DCHS2: variants seen among roughly 807,000 people sequenced by gnomAD.
The protein encoded by DCHS2 is protocadherin-23.
A neutral mutation model predicts 182.4 loss-of-function variants in DCHS2; 142 were observed. The observed-to-expected ratio is 0.78, with a 90% confidence interval of 0.68 to 0.89. DCHS2 has a LOEUF of 0.89. Ranked by LOEUF, DCHS2 falls within the 40% of genes least tolerant of loss-of-function variation. DCHS2 has a pLI of 0.00. For missense variants in DCHS2, 4,319 were observed against 4,198.6 expected (o/e 1.03, Z -0.79); for synonymous variants, 1,740 against 1,663.3 (o/e 1.05, Z -1.12).
intron 1 of DCHS2, among the ~76,000 whole-genome samples, chr4:154,378,093 C>A (rs569603933): frequency 2.4e-4 from 37 of 152,258 alleles, no homozygotes; most frequent in Non-Finnish European, 4.9e-4. Flanking sequence ...TGAAATCCAG[C>A]CCATGCTGTG....
At chr4:154,486,566 G>T in intron 1 of DCHS2, 2 of 1,297,892 alleles carry the variant, frequency 1.5e-6, no homozygotes, top group Non-Finnish European at 1.0e-6. Flanking sequence ...AGAAGGTACA[G>T]TTACAAGGAA....
At chr4:154,343,490 A>G in intron 3 of DCHS2, 1 of 1,461,424 alleles carries the variant, frequency 6.8e-7, no homozygotes, top group Non-Finnish European at 9.1e-7. Flanking sequence ...TCTTAGCTAG[A>G]TTTGCTACAT....
intron 13 of DCHS2, chr4:154,272,072 A>G (rs1472714854): frequency 6.6e-6 from 1 of 152,200 alleles, no homozygotes; most frequent in Non-Finnish European, 1.5e-5. Context: ...TTTGAGAATC[A>G]AGCATGTTAT....
At chr4:154,401,280 G>A (rs890614487) in intron 1 of DCHS2, among the ~76,000 whole-genome samples, 6 of 151,970 alleles carry the variant, frequency 3.9e-5, no homozygotes, top group Admixed American at 2.0e-4. Flanking sequence ...CATTCACCAC[G>A]GACATCTGTT....
chr4:154,312,483 A>G (rs1735704781), intron 10 of DCHS2, among the ~76,000 whole-genome samples: 1 of 152,234 alleles, frequency 6.6e-6, no homozygotes, highest in South Asian at 2.1e-4. Flanking sequence ...CAGGCATTTG[A>G]GGCTACAGTG....
chr4:154,413,998 T>A (rs1296189744), intron 1 of DCHS2, among the ~76,000 whole-genome samples: 6 of 152,190 alleles, frequency 3.9e-5, no homozygotes, highest in African/African-American at 1.2e-4. Flanking sequence ...ATCTTATTCA[T>A]TTATTTGCTT....
chr4:154,355,472 C>T (rs1351517996), intron 3 of DCHS2: 1 of 152,178 alleles, frequency 6.6e-6, no homozygotes, highest in East Asian at 1.9e-4. Context: ...CCTTGTTTGG[C>T]ATATAATCAA....
Position 154,232,961 on chromosome 4 carries a change from A to T in DCHS2, c.*1575T>A, listed in dbSNP as rs1332415886. The stretch of plus-strand genomic sequence containing the variant: ...GATAGATAATAGAAAATATCAGCAT[A>T]GGAAGCTGTAGAATTACTTATCTAC... On this transcript the variant is annotated 3_prime_UTR_variant, in exon 20 of 20. Coordinates refer to ENST00000357232, the MANE Select transcript of DCHS2 (RefSeq NM_001358235.2). 6.6e-6 allele frequency: 1 copy of T among 152,218 alleles called. No homozygotes were observed. Among genetic ancestry groups the T allele is most frequent in the African/African-American group, 2.4e-5 (1 of 41,458 alleles). The allele number at this position is 152,218 out of a possible 1,614,324, so 9.4% of individuals were successfully genotyped here. A position where few individuals can be genotyped will look rare whatever the true frequency, so the allele number is the denominator to read the frequency against.
Position 154,460,084 on chromosome 4 carries a change from A to T in DCHS2, c.2052+29220T>A, listed in dbSNP as rs183872776. 1.4e-3 allele frequency among the ~76,000 whole-genome samples: 208 copies of T among 152,328 alleles called. 1 individual carries two copies. Among genetic ancestry groups the T allele is most frequent in the African/African-American group, 4.9e-3 (203 of 41,580 alleles). On this transcript the variant is annotated intron_variant, in intron 1 of 19. Coordinates refer to ENST00000357232, the MANE Select transcript of DCHS2 (RefSeq NM_001358235.2). ...CATTTCTACTGTTACAAATGAATTA[A>T]TACCCTATCTATGAACCTGAGCTTC...
chr4:154,482,312 T>C (rs1284947386), intron 1 of DCHS2, among the ~76,000 whole-genome samples: 1 of 152,226 alleles, frequency 6.6e-6, no homozygotes, highest in African/African-American at 2.4e-5. Context: ...ATAAATTCCA[T>C]ATGTCATTTC....
intron 10 of DCHS2, among the ~76,000 whole-genome samples, chr4:154,308,132 A>C (rs937531547): frequency 6.6e-6 from 1 of 152,004 alleles, no homozygotes; most frequent in African/African-American, 2.4e-5. Context: ...GCTTCAAACC[A>C]TGCCATTGCC....
chr4:154,337,866 G>A (rs1728889379), intron 3 of DCHS2, among the ~76,000 whole-genome samples: 2 of 151,938 alleles, frequency 1.3e-5, no homozygotes, highest in African/African-American at 4.8e-5. Context: ...TCAGCCTCCC[G>A]AGTAGCTGGG....
rs142957194 is a variant in DCHS2 at position 154,414,208 on chromosome 4, GAT to G, written c.2053-36766_2053-36765del. 1.5e-3 allele frequency among the ~76,000 whole-genome samples: 224 copies of G among 150,886 alleles called. 1 individual carries two copies. Among genetic ancestry groups the G allele is most frequent in the Middle Eastern group, 3.4e-3 (1 of 294 alleles). The stretch of plus-strand genomic sequence containing the variant: ...ATATATATATATATAGAGAGAGAGA[GAT>G]ATAGATATATGTTCCAATTCAGAGT... On this transcript the variant is annotated intron_variant, in intron 1 of 19. Transcript: ENST00000357232.
rs765523587 is a variant in DCHS2 at position 154,304,735 on chromosome 4, C to A, written c.5539G>T (p.Val1847Phe). The A allele has an allele frequency of 6.2e-7, 1 of 1,614,070 alleles. No homozygotes were observed. The highest frequency in any genetic ancestry group is 8.5e-7 in the Non-Finnish European group (1 of 1,179,972). Residue 1847 changes from valine (V) to phenylalanine (F), a missense_variant, in exon 12 of 20, where the codon GTC becomes TTC. By Grantham distance (50) the Val-to-Phe change is conservative. Transcript: ENST00000357232. The stretch of plus-strand genomic sequence containing the variant: ...ATATCAGAGGCTAAAACCGTATAGA[C>A]AACCTCTGGTTCCTGGTTTTCCAGA... ...EVLENQEPEV[V>F]YTVLASDMDA...
In DCHS2 at chr4:154,489,492, C is replaced by T. The variant is rs1221744068; in HGVS notation, c.1864G>A (p.Asp622Asn). The T allele has an allele frequency of 1.4e-5, 21 of 1,551,600 alleles. No homozygotes were observed. The highest frequency in any genetic ancestry group is 1.8e-5 in the Non-Finnish European group (21 of 1,147,006). ...SGAISTIRTL[D>N]REVQEAVELK... is the part of the protein sequence containing the mutation. ...TCCACCGCCTCCTGGACCTCTCGGT[C>T]TAGAGTCCGGATAGTGCTGATCGCA... The change falls in exon 1 of 20, where the codon GAC becomes AAC. Residue 622 changes from aspartate to asparagine, a missense_variant. Transcript: ENST00000357232.
intron 1 of DCHS2, among the ~76,000 whole-genome samples, chr4:154,405,577 T>A (rs191953150): frequency 3.9e-5 from 6 of 152,228 alleles, no homozygotes; most frequent in Admixed American, 2.6e-4. Context: ...AAATATTTTT[T>A]AAATCTTTTT....
chr4:154,435,541 A>T (rs896775995), intron 1 of DCHS2, among the ~76,000 whole-genome samples: 1 of 151,886 alleles, frequency 6.6e-6, no homozygotes, highest in Non-Finnish European at 1.5e-5. Context: ...GCTTGCAGTG[A>T]GCCCAGATTG....
At chr4:154,419,464 A>C (rs927100569) in intron 1 of DCHS2, among the ~76,000 whole-genome samples, 23 of 151,986 alleles carry the variant, frequency 1.5e-4, no homozygotes, top group African/African-American at 5.6e-4. Context: ...CAGCCTGGCC[A>C]ATGTGGTGAA....
intron 1 of DCHS2, among the ~76,000 whole-genome samples, chr4:154,447,596 ATT>A (rs1734356107): frequency 6.6e-6 from 1 of 152,136 alleles, no homozygotes; most frequent in African/African-American, 2.4e-5. Context: ...ATTTCAAACT[ATT>A]TTTTGCTCTT....
Sources: gnomAD v4.1 joint callset for allele counts (sites outside exome capture counted in the v4.1 genomes callset) on GRCh38, gnomAD v4.1.1 for gene constraint, MANE v1.5 for transcripts, NCBI Gene and HGNC (gene_info 2026-07-23, HGNC 2026-07-21) for gene names.